PDPR: variants seen among roughly 807,000 people sequenced by gnomAD.
PDPR encodes pyruvate dehydrogenase phosphatase regulatory subunit, also known as pyruvate dehydrogenase phosphatase regulatory subunit, mitochondrial.
A neutral mutation model predicts 102.2 loss-of-function variants in PDPR; 50 were observed. The ratio of observed to expected loss-of-function variants is 0.49; its 90% CI spans 0.39 to 0.62. The LOEUF is 0.62. Ranked by LOEUF, PDPR falls within the 20% of genes least tolerant of loss-of-function variation. The probability of loss-of-function intolerance (pLI) is 0.00; values close to 1 mark genes in which losing one functional copy is unlikely to be tolerated. For synonymous variants in PDPR, 259 were observed against 406.0 expected (o/e 0.64, Z 4.35); for missense variants, 625 against 1,098.2 (o/e 0.57, Z 6.09).
At chr16:70,141,060 T>A (rs1396938555) in intron 11 of PDPR, among the ~76,000 whole-genome samples, 1 of 150,236 alleles carries the variant, frequency 6.7e-6, no homozygotes, top group Non-Finnish European at 1.5e-5. Flanking sequence ...GGGAAATGAA[T>A]TTTTTTTTTT....
In PDPR at chr16:70,157,332, C is replaced by G; in HGVS notation, c.*453C>G. 2.5e-6 allele frequency: 1 copy of G among 396,204 alleles called. No individual in the cohort carries two copies. Among genetic ancestry groups the G allele is most frequent in the South Asian group, 1.9e-5 (1 of 52,730 alleles). 24.5% of individuals were successfully genotyped at this position (396,204 alleles called of 1,614,324 possible). On this transcript the variant is annotated 3_prime_UTR_variant, in exon 19 of 19. Coordinates refer to ENST00000288050, the MANE Select transcript of PDPR (RefSeq NM_017990.5). Reference sequence around the variant, plus strand: ...TGGTGGGGTTGCCGTGTGTCGGATGCAGCCCTGAGGGGCAGCTCGTGCCTG... The same window carrying G: ...TGGTGGGGTTGCCGTGTGTCGGATGGAGCCCTGAGGGGCAGCTCGTGCCTG...
chr16:70,150,181 G>T (rs1296699527), intron 17 of PDPR, among the ~76,000 whole-genome samples: 1 of 139,096 alleles, frequency 7.2e-6, no homozygotes, highest in South Asian at 2.4e-4. Context: ...TAGGCTCACC[G>T]CAACCTCTGC....
intron 17 of PDPR, among the ~76,000 whole-genome samples, chr16:70,149,613 C>G (rs1167816815): frequency 1.3e-5 from 2 of 152,256 alleles, no homozygotes; most frequent in African/African-American, 4.8e-5. Flanking sequence ...GTACCTAAAG[C>G]AAAAGAGCTT....
intron 8 of PDPR, 53 bp downstream of exon 8, chr16:70,131,472 C>T (rs1964531541): frequency 3.4e-6 from 5 of 1,464,116 alleles, no homozygotes; most frequent in Non-Finnish European, 3.7e-6. Context: ...GTATCCTGTC[C>T]TCTGAAAAGG....
intron 7 of PDPR, 118 bp from the exon 8 acceptor site, chr16:70,131,184 A>G: frequency 1.4e-6 from 1 of 693,368 alleles, no homozygotes; most frequent in Admixed American, 2.1e-5. Context: ...GACTTCCCAC[A>G]CCTGACACTG....
At chr16:70,142,030 G>A (rs1195813575) in intron 11 of PDPR, among the ~76,000 whole-genome samples, 1 of 152,236 alleles carries the variant, frequency 6.6e-6, no homozygotes, top group African/African-American at 2.4e-5. Context: ...AACCCAGGAG[G>A]CAGAGGTTGC....
At chr16:70,155,132 C>T (rs1206425398) in intron 18 of PDPR, among the ~76,000 whole-genome samples, 1 of 151,878 alleles carries the variant, frequency 6.6e-6, no homozygotes, top group Non-Finnish European at 1.5e-5. Flanking sequence ...GCAGAGGTTG[C>T]AGTGAGCCGA....
At chr16:70,140,290 A>G (rs78563251) in intron 11 of PDPR, among the ~76,000 whole-genome samples, 96 of 152,356 alleles carry the variant, frequency 6.3e-4, no homozygotes, top group Admixed American at 7.8e-4. Flanking sequence ...GCAGTGAGCC[A>G]TGATGGTGCC....
intron 4 of PDPR, among the ~76,000 whole-genome samples, chr16:70,127,614 C>T (rs530997584): frequency 6.6e-6 from 1 of 152,336 alleles, no homozygotes; most frequent in East Asian, 1.9e-4. Context: ...ATGGTGAAAC[C>T]CCGTCTCTAC....
upstream of PDPR, chr16:70,114,268 G>A (rs1962400009): frequency 1.3e-5 from 2 of 152,140 alleles, no homozygotes; most frequent in African/African-American, 4.8e-5. Flanking sequence ...GGGCCGTAAA[G>A]CGCGGAAGGT....
chr16:70,157,390 G>C lies in PDPR; in HGVS notation c.*511G>C, dbSNP rs977326794. ...GCAGCTCGTTCTCCTGTTCTGCTGT[G>C]CTGTGGGCTGGCACTCGATACCTCT... On this transcript the variant is annotated 3_prime_UTR_variant, in exon 19 of 19. Coordinates refer to ENST00000288050, the MANE Select transcript of PDPR (RefSeq NM_017990.5). 7 of 363,346 alleles carry C rather than the reference G, an allele frequency of 1.9e-5. No homozygotes were observed. The highest frequency in any genetic ancestry group is 3.2e-5 in the Non-Finnish European group (6 of 185,640). The allele number at this position is 363,346 out of a possible 1,614,324, so 22.5% of individuals were successfully genotyped here.
chr16:70,134,277 G>T (rs1282573046), intron 9 of PDPR, among the ~76,000 whole-genome samples: 1 of 152,052 alleles, frequency 6.6e-6, no homozygotes, highest in Non-Finnish European at 1.5e-5. Context: ...CCAGGCTGGA[G>T]TGCAGTGGTG....
chr16:70,152,684 A>C (rs1435905655), intron 17 of PDPR, among the ~76,000 whole-genome samples: 1 of 152,288 alleles, frequency 6.6e-6, no homozygotes, highest in African/African-American at 2.4e-5. Flanking sequence ...TTCATTTTAC[A>C]GTTTTAAAAG....
chr16:70,128,105 A>C (rs1489991713), intron 4 of PDPR, among the ~76,000 whole-genome samples: 3 of 152,256 alleles, frequency 2.0e-5, no homozygotes, highest in Non-Finnish European at 4.4e-5. Flanking sequence ...TTGGTAGCTG[A>C]TGTTATTGTG....
At chr16:70,134,012 C>A (rs7184643) in intron 9 of PDPR, among the ~76,000 whole-genome samples, 1 of 152,006 alleles carries the variant, frequency 6.6e-6, no homozygotes, top group East Asian at 1.9e-4. Flanking sequence ...GGATTACAGA[C>A]GTGAGCCACC....
intron 11 of PDPR, among the ~76,000 whole-genome samples, chr16:70,140,250 C>T (rs528301528): frequency 6.6e-6 from 1 of 152,212 alleles, no homozygotes; most frequent in Non-Finnish European, 1.5e-5. Context: ...CTGAGGTAGG[C>T]GAATCACCTG....
In PDPR at chr16:70,141,858, G is replaced by A. The variant is rs1453184110; in HGVS notation, c.1316-376G>A. ...CTCACGCCTGTAATCCCAGCACTTC[G>A]GGAGGCTGGGGCGGGCAGATCACCT... On this transcript the variant is annotated intron_variant, in intron 11 of 18. Coordinates refer to ENST00000288050, the MANE Select transcript of PDPR (RefSeq NM_017990.5). 5.3e-5 allele frequency among the ~76,000 whole-genome samples: 8 copies of A among 152,274 alleles called. No individual in the cohort carries two copies. The East Asian group carries it at 1.5e-3, about 29-fold the overall frequency.
chr16:70,149,955 T>C (rs1381145142), intron 17 of PDPR, among the ~76,000 whole-genome samples: 1 of 151,992 alleles, frequency 6.6e-6, no homozygotes, highest in Non-Finnish European at 1.5e-5. Flanking sequence ...CACGCCCGGC[T>C]AATTTTTTGT....
At chr16:70,116,714 G>A (rs1234121184) in intron 2 of PDPR, among the ~76,000 whole-genome samples, 2 of 151,208 alleles carry the variant, frequency 1.3e-5, no homozygotes, top group Admixed American at 6.6e-5. Flanking sequence ...CTAATTTTTT[G>A]TATCTTTGGT....
Sources: allele counts gnomAD v4.1 joint callset (sites outside exome capture counted in the v4.1 genomes callset), GRCh38; gene constraint gnomAD v4.1.1; transcripts MANE v1.5; gene names NCBI Gene and HGNC (gene_info 2026-07-23, HGNC 2026-07-21).